The following ADAM22 variants were observed in gnomAD, a reference collection of about 807,000 sequenced individuals.
ADAM22 encodes the protein ADAM metallopeptidase domain 22, also known as disintegrin and metalloproteinase domain-containing protein 22.
In ADAM22, 65 loss-of-function variants were observed where a neutral mutation model predicts 144.6. The ratio of observed to expected loss-of-function variants is 0.45; its 90% CI spans 0.37 to 0.55. The LOEUF is 0.55. Ranked by LOEUF, ADAM22 falls within the 20% of genes least tolerant of loss-of-function variation. The probability of loss-of-function intolerance (pLI) is 0.00; values close to 1 mark genes in which losing one functional copy is unlikely to be tolerated. For synonymous variants in ADAM22, 391 were observed against 412.6 expected (o/e 0.95, Z 0.63); for missense variants, 974 against 1,184.9 (o/e 0.82, Z 2.61).
intron 3 of ADAM22, among the ~76,000 whole-genome samples, chr7:87,995,152 T>C (rs904981840): frequency 1.3e-5 from 2 of 152,192 alleles, no homozygotes; most frequent in African/African-American, 2.4e-5. Flanking sequence ...TACCAAAGGA[T>C]TTAGAGAAAT....
chr7:88,002,463 G>A (rs2129456722), intron 3 of ADAM22, among the ~76,000 whole-genome samples: 1 of 152,312 alleles, frequency 6.6e-6, no homozygotes, highest in East Asian at 1.9e-4. Flanking sequence ...GAATGTGAGG[G>A]AGGGGTGATT....
At chr7:88,014,152 C>CA (rs1796057601) in intron 3 of ADAM22, among the ~76,000 whole-genome samples, 1 of 151,996 alleles carries the variant, frequency 6.6e-6, no homozygotes, top group Admixed American at 6.6e-5. Context: ...CATATGTACC[C>CA]ATGATGGAAA....
At chr7:88,032,755 T>C (rs2079423) in intron 3 of ADAM22, among the ~76,000 whole-genome samples, 74,953 of 152,016 alleles carry the variant, frequency 0.49, 18,842 homozygotes, top group East Asian at 0.63. Flanking sequence ...GTGATTGGAT[T>C]GTAATGGTTT....
chr7:88,082,564 G>C (rs1817060155), intron 4 of ADAM22, among the ~76,000 whole-genome samples: 1 of 152,042 alleles, frequency 6.6e-6, no homozygotes, highest in African/African-American at 2.4e-5. Context: ...TACAAAATGG[G>C]AGAAAATTTT....
intron 14 of ADAM22, among the ~76,000 whole-genome samples, chr7:88,139,698 T>C (rs780294039): frequency 6.6e-6 from 1 of 152,106 alleles, no homozygotes; most frequent in African/African-American, 2.4e-5. Context: ...AACAAGCAAG[T>C]AGAATACCAT....
intron 3 of ADAM22, among the ~76,000 whole-genome samples, chr7:88,061,028 C>G (rs1432676821): frequency 6.6e-6 from 1 of 151,758 alleles, no homozygotes; most frequent in African/African-American, 2.4e-5. Context: ...CACTTGAACC[C>G]AGGAAACAAA....
At chr7:88,083,348 G>A (rs962829388) in intron 4 of ADAM22, among the ~76,000 whole-genome samples, 2 of 151,752 alleles carry the variant, frequency 1.3e-5, no homozygotes, top group African/African-American at 2.4e-5. Context: ...TGGGGTGGGG[G>A]ACTGGGGGAG....
intron 3 of ADAM22, among the ~76,000 whole-genome samples, chr7:87,994,647 C>T (rs771518507): frequency 1.3e-5 from 2 of 151,778 alleles, no homozygotes; most frequent in Admixed American, 6.6e-5. Flanking sequence ...CCTCCTGTAG[C>T]TTATAGCTCA....
At chr7:87,980,043 C>G (rs1852924774) in intron 3 of ADAM22, among the ~76,000 whole-genome samples, 1 of 152,136 alleles carries the variant, frequency 6.6e-6, no homozygotes. Context: ...GCCTCACTTA[C>G]TTTGGAGACA....
chr7:88,082,014 A>G (rs1816823511), intron 4 of ADAM22, among the ~76,000 whole-genome samples: 1 of 152,310 alleles, frequency 6.6e-6, no homozygotes, highest in Admixed American at 6.5e-5. Flanking sequence ...AACCAAAAAG[A>G]ACCCACATTG....
intron 24 of ADAM22, 148 bp downstream of exon 24, chr7:88,166,094 C>T (rs1842883052): frequency 3.7e-6 from 2 of 537,268 alleles, no homozygotes; most frequent in Non-Finnish European, 6.5e-6. Flanking sequence ...TTTTATGAAA[C>T]TGATTATGTC....
rs1438786568 is a variant in ADAM22, at chr7:88,136,751, TCA to T, written c.1220+723_1220+724del. On this transcript the variant is annotated intron_variant, in intron 14 of 31. Transcript: ENST00000413139. ...TTTGGGTGATGGGCGCACCAAAATC[TCA>T]CAAAACGCCACTAAAGAACTTACTC... is the stretch of plus-strand genomic sequence containing the variant. Among the ~76,000 whole-genome samples, 69 of 151,694 alleles carry T rather than the reference TCA, an allele frequency of 4.5e-4. 2 individuals are homozygous for T. Among genetic ancestry groups the T allele is most frequent in the Non-Finnish European group, 7.4e-5 (5 of 67,982 alleles).
At chr7:88,137,709 T>C (rs114294719) in intron 14 of ADAM22, among the ~76,000 whole-genome samples, 1,721 of 152,332 alleles carry the variant, frequency 0.011, 34 homozygotes, top group African/African-American at 0.039. Flanking sequence ...CTTATTATAC[T>C]AACACATATT....
In ADAM22 at chr7:88,010,645, G is replaced by A. The variant is rs115021212; in HGVS notation, c.323+32233G>A. 4.4e-3 allele frequency among the ~76,000 whole-genome samples: 672 copies of A among 152,276 alleles called. 2 individuals are homozygous for A. The highest frequency in any genetic ancestry group is 0.015 in the African/African-American group (635 of 41,546). On this transcript the variant is annotated intron_variant, in intron 3 of 31. Coordinates refer to ENST00000413139, the MANE Select transcript of ADAM22 (RefSeq NM_001324418.2). ...CCCTTGGAATGACTCTGGCCAGCTTGGGTGATGTGCCCACCTCAACTTTTC... is the reference window on the plus strand; with the variant it reads ...CCCTTGGAATGACTCTGGCCAGCTTAGGTGATGTGCCCACCTCAACTTTTC...
intron 22 of ADAM22, among the ~76,000 whole-genome samples, chr7:88,158,869 C>T (rs1019475152): frequency 1.3e-5 from 2 of 151,926 alleles, no homozygotes; most frequent in Admixed American, 1.3e-4. Context: ...AAGAACAAAC[C>T]AACCCCAAAG....
chr7:87,963,252 G>A lies in ADAM22; in HGVS notation c.247-15084G>A, dbSNP rs1848360836. On this transcript the variant is annotated intron_variant, in intron 2 of 31. Transcript: ENST00000413139. The stretch of plus-strand genomic sequence containing the variant: ...AGTTTGCTAAGGATGGCCCTTCAGG[G>A]AAAGTTTCAGTCATGAGTCTTTGCC... 3.3e-5 allele frequency among the ~76,000 whole-genome samples: 5 copies of A among 152,218 alleles called. No homozygotes were observed. In the South Asian group the frequency reaches 8.3e-4, roughly 25 times the overall value.
rs1169278881 is a variant in ADAM22 at position 88,142,762 on chromosome 7, C to T, written c.1221-264C>T. 2.6e-5 allele frequency among the ~76,000 whole-genome samples: 4 copies of T among 151,410 alleles called. No homozygotes were observed. In the South Asian group the frequency reaches 6.2e-4, roughly 24 times the overall value. Reference sequence around the variant, plus strand: ...CTGAGGCAGGAGAATGGCGTGAACCCGGGAGGTGGAGCTTGCAGTGAGCCA... The same window carrying T: ...CTGAGGCAGGAGAATGGCGTGAACCTGGGAGGTGGAGCTTGCAGTGAGCCA... On this transcript the variant is annotated intron_variant, in intron 14 of 31. Transcript: ENST00000413139.
chr7:87,978,409 A>G lies in ADAM22; in HGVS notation c.320A>G (p.Asn107Ser). The G allele has an allele frequency of 6.2e-7, 1 of 1,613,462 alleles. No homozygotes were observed. Among genetic ancestry groups the G allele is most frequent in the Non-Finnish European group, 8.5e-7 (1 of 1,179,694 alleles). Reference sequence around the variant, plus strand: ...TCATTCATTCTCGATGTCGTGCTAAATCAGTAAGTGTTGAGTTGCACTTGC... The same window carrying G: ...TCATTCATTCTCGATGTCGTGCTAAGTCAGTAAGTGTTGAGTTGCACTTGC... ...GTSFILDVVL[N>S]HDLLSSEYIE... The change falls in exon 3 of 32, where the codon AAT (asparagine) becomes AGT (serine). Residue 107 changes from asparagine to serine, a missense_variant. This residue lies in a region of ADAM22 where 240 missense variants were observed against 234.3 expected (regional missense o/e 1.02). Transcript: ENST00000413139.
At chr7:88,134,906 G>A (rs1301668707) in intron 13 of ADAM22, among the ~76,000 whole-genome samples, 1 of 152,016 alleles carries the variant, frequency 6.6e-6, no homozygotes, top group Non-Finnish European at 1.5e-5. Context: ...TCTCAAGTAG[G>A]TAAAGTCACT....
Sources: gnomAD v4.1 joint callset for allele counts (sites outside exome capture counted in the v4.1 genomes callset) on GRCh38, gnomAD v4.1.1 for gene constraint, gnomAD v4.1.1 regional missense constraint, MANE v1.5 for transcripts, NCBI Gene and HGNC (gene_info 2026-07-23, HGNC 2026-07-21) for gene names.